Variants in CNOT10 observed in about 807,000 individuals in gnomAD.
CNOT10 encodes the protein CCR4-NOT transcription complex, subunit 10.
Under a neutral mutation model 94.6 loss-of-function variants are expected in CNOT10, and 30 were observed. That is an observed-to-expected ratio of 0.32 (90% CI 0.24 to 0.43). The LOEUF is 0.43. CNOT10 is among the 20% of genes least tolerant of loss of function. The pLI, the probability that CNOT10 is intolerant of heterozygous loss-of-function variation, is 1.00. For missense variants in CNOT10, 759 were observed against 877.2 expected (o/e 0.87, Z 1.70); for synonymous variants, 289 against 301.6 (o/e 0.96, Z 0.43).
At chr3:32,759,844 C>T (rs1174607899) in intron 14 of CNOT10, among the ~76,000 whole-genome samples, 1 of 152,102 alleles carries the variant, frequency 6.6e-6, no homozygotes, top group Non-Finnish European at 1.5e-5. Context: ...GTCAAGTCCT[C>T]AGAGAGAAGA....
intron 1 of CNOT10, among the ~76,000 whole-genome samples, chr3:32,691,969 G>T (rs1696866151): frequency 6.6e-6 from 1 of 150,908 alleles, no homozygotes; most frequent in South Asian, 2.1e-4. Flanking sequence ...AGGATCATTT[G>T]AGCCTGGGAG....
intron 4 of CNOT10, among the ~76,000 whole-genome samples, chr3:32,712,694 C>T (rs960441748): frequency 2.0e-5 from 3 of 151,988 alleles, no homozygotes; most frequent in African/African-American, 7.3e-5. Flanking sequence ...AAAAAATTAG[C>T]CAGGCATGGT....
chr3:32,706,546 T>C (rs148570396), intron 3 of CNOT10, among the ~76,000 whole-genome samples: 94 of 152,350 alleles, frequency 6.2e-4, no homozygotes, highest in African/African-American at 2.2e-3. Flanking sequence ...ACCTATTCCA[T>C]TTTAATTAGC....
At chr3:32,696,654 A>G (rs775433868) in intron 1 of CNOT10, among the ~76,000 whole-genome samples, 19 of 152,112 alleles carry the variant, frequency 1.2e-4, no homozygotes, top group Non-Finnish European at 2.4e-4. Context: ...GCTGGAGTGC[A>G]GTGGCACAAT....
intron 13 of CNOT10, among the ~76,000 whole-genome samples, chr3:32,758,677 G>A (rs1700314097): frequency 6.6e-6 from 1 of 152,158 alleles, no homozygotes; most frequent in South Asian, 2.1e-4. Context: ...TTTTAAGATT[G>A]CTTTGTGGAG....
rs1425007757 is a variant in CNOT10 at position 32,708,718 on chromosome 3, A to G, written c.328A>G (p.Ser110Gly). The G allele has an allele frequency of 1.2e-6, 2 of 1,613,398 alleles. No individual in the cohort carries two copies. The highest frequency in any genetic ancestry group is 1.7e-6 in the Non-Finnish European group (2 of 1,179,754). ...GGATGGATTAGATGATGTTGAAAAC[A>G]GCATGTTGTACTATAATCAAGCAGT... Reference protein sequence around the residue: ...EMDGLDDVENSMLYYNQAVIL... With the variant: ...EMDGLDDVENGMLYYNQAVIL... Residue 110 changes from serine to glycine, a missense_variant, in exon 4 of 19, where the codon AGC (serine) becomes GGC (glycine). Ser to Gly is a moderately conservative substitution (Grantham distance 56). This residue lies in a region of CNOT10 where 682 missense variants were observed against 799.4 expected (regional missense o/e 0.85). Transcript: ENST00000328834.
intron 14 of CNOT10, among the ~76,000 whole-genome samples, chr3:32,761,943 T>C (rs1199819318): frequency 2.6e-5 from 4 of 151,312 alleles, no homozygotes; most frequent in South Asian, 2.1e-4. Context: ...CGGCTAATTT[T>C]GTATTTTTAG....
At chr3:32,733,147 G>C (rs1280733226) in intron 10 of CNOT10, among the ~76,000 whole-genome samples, 1 of 152,196 alleles carries the variant, frequency 6.6e-6, no homozygotes. Context: ...CTAAGTAAAT[G>C]ATTCTAAATA....
At chr3:32,706,561 G>A (rs753250965) in intron 3 of CNOT10, among the ~76,000 whole-genome samples, 12 of 152,136 alleles carry the variant, frequency 7.9e-5, no homozygotes, top group Non-Finnish European at 1.6e-4. Flanking sequence ...ATTAGCAAAC[G>A]TCTAATTTCA....
chr3:32,734,927 A>C lies in CNOT10; in HGVS notation c.1465A>C (p.Asn489His). ...GCAGGAAAATGGGGCTAAAAATAGT[A>C]ATCAATTAGGTGGGAACACAGAGAG... ...PKQENGAKNS[N>H]QLGGNTESSE... The change falls in exon 12 of 19, where the codon AAT becomes CAT. Residue 489 changes from asparagine to histidine, a missense_variant. Transcript: ENST00000328834. 6.2e-7 allele frequency: 1 copy of C among 1,614,128 alleles called. No homozygotes were observed. Among genetic ancestry groups the C allele is most frequent in the Non-Finnish European group, 8.5e-7 (1 of 1,179,988 alleles).
intron 13 of CNOT10, among the ~76,000 whole-genome samples, chr3:32,746,939 C>CAGCTGTAAATATAGATGAATAT (rs1699727042): frequency 6.6e-6 from 1 of 151,214 alleles, no homozygotes; most frequent in Non-Finnish European, 1.5e-5. Context: ...GTCATGGGAG[C>CAGCTGTAAATATAGATGAATAT]AGCTGTAAAT....
intron 13 of CNOT10, 71 bp downstream of exon 13, chr3:32,737,561 A>G (rs1699243383): frequency 1.0e-6 from 1 of 977,892 alleles, no homozygotes; most frequent in Non-Finnish European, 1.6e-6. Context: ...ACAGTGGCTC[A>G]TACCTCTAAT....
chr3:32,712,585 A>AC (rs1697942260), intron 4 of CNOT10, among the ~76,000 whole-genome samples: 1 of 152,126 alleles, frequency 6.6e-6, no homozygotes, highest in Non-Finnish European at 1.5e-5. Context: ...AGTGGCTCAC[A>AC]CCTGTAATCC....
chr3:32,742,984 C>CCT (rs565084268), intron 13 of CNOT10, among the ~76,000 whole-genome samples: 2 of 122,724 alleles, frequency 1.6e-5, no homozygotes, highest in Non-Finnish European at 3.4e-5. Context: ...GAATACTAAT[C>CCT]TTTTTTTTTT....
At chr3:32,721,685 C>T (rs190068533) in intron 8 of CNOT10, among the ~76,000 whole-genome samples, 106 of 146,406 alleles carry the variant, frequency 7.2e-4, no homozygotes, top group Non-Finnish European at 9.1e-4. Context: ...CTCCCTCCGT[C>T]GCCCAGGCTG....
chr3:32,731,185 C>G (rs1373054181), intron 10 of CNOT10: 1 of 152,156 alleles, frequency 6.6e-6, no homozygotes, highest in Non-Finnish European at 1.5e-5. Context: ...ATGGCCTTCT[C>G]TATACACAAT....
intron 13 of CNOT10, among the ~76,000 whole-genome samples, chr3:32,749,037 G>T (rs556377946): frequency 6.6e-6 from 1 of 151,784 alleles, no homozygotes; most frequent in African/African-American, 2.4e-5. Context: ...GGCCAGGCTC[G>T]TCTCGAACTC....
At chr3:32,768,990 C>G (rs998043276) in intron 17 of CNOT10, 4 of 152,246 alleles carry the variant, frequency 2.6e-5, no homozygotes, top group Admixed American at 1.3e-4. Context: ...TCTCCATATT[C>G]ACAGCACATT....
chr3:32,727,573 C>A, intron 9 of CNOT10, 95 bp from the exon 10 acceptor site: 1 of 798,318 alleles, frequency 1.3e-6, no homozygotes, highest in Non-Finnish European at 2.1e-6. Flanking sequence ...TGGTGTTAAA[C>A]ATGGTAGTGT....
Sources: gnomAD v4.1 joint callset for allele counts (sites outside exome capture counted in the v4.1 genomes callset) on GRCh38, gnomAD v4.1.1 for gene constraint, gnomAD v4.1.1 regional missense constraint, MANE v1.5 for transcripts, NCBI Gene and HGNC (gene_info 2026-07-23, HGNC 2026-07-21) for gene names.